The following MCTP1 variants were observed in gnomAD, a reference collection of about 807,000 sequenced individuals.
The protein encoded by MCTP1 is multiple C2 and transmembrane domain-containing protein 1.
A neutral mutation model predicts 120.6 loss-of-function variants in MCTP1; 69 were observed. The observed-to-expected ratio is 0.57, with a 90% CI of 0.47 to 0.70. MCTP1 has a LOEUF of 0.70. Ranked by LOEUF, MCTP1 falls within the 30% of genes least tolerant of loss-of-function variation. MCTP1 has a pLI of 0.00. For synonymous variants in MCTP1, 529 were observed against 493.1 expected (o/e 1.07, Z -0.96); for missense variants, 1,203 against 1,248.8 (o/e 0.96, Z 0.55).
intron 1 of MCTP1, among the ~76,000 whole-genome samples, chr5:95,061,731 G>A (rs952551877): frequency 3.9e-5 from 6 of 152,046 alleles, no homozygotes; most frequent in African/African-American, 7.2e-5. Context: ...CACCGCGCCC[G>A]GCCAAGGGTT....
intron 2 of MCTP1, among the ~76,000 whole-genome samples, chr5:94,995,036 G>T (rs1832342317): frequency 6.6e-6 from 1 of 152,176 alleles, no homozygotes; most frequent in African/African-American, 2.4e-5. Flanking sequence ...TGGCTTCCTT[G>T]CTCCTCAGCT....
intron 1 of MCTP1, among the ~76,000 whole-genome samples, chr5:95,242,980 T>C (rs1756337527): frequency 6.6e-6 from 1 of 152,174 alleles, no homozygotes; most frequent in African/African-American, 2.4e-5. Flanking sequence ...CTGTGAAAAT[T>C]AGAACTTCCA....
At chr5:94,987,005 C>A (rs1043858702) in intron 2 of MCTP1, among the ~76,000 whole-genome samples, 2 of 152,150 alleles carry the variant, frequency 1.3e-5, no homozygotes, top group African/African-American at 4.8e-5. Flanking sequence ...AGATTACTTA[C>A]AATGCCAAAT....
chr5:94,943,721 G>A (rs1818264498), intron 3 of MCTP1, among the ~76,000 whole-genome samples: 1 of 151,914 alleles, frequency 6.6e-6, no homozygotes, highest in Non-Finnish European at 1.5e-5. Flanking sequence ...TTAAGGAAAA[G>A]AAGAGAGAAC....
chr5:94,749,682 AAAAAT>A lies in MCTP1; in HGVS notation c.2610+29423_2610+29427del, dbSNP rs1409079964. The stretch of plus-strand genomic sequence containing the variant: ...AAAAAAAAAAAAAAAAAAAAAAAAA[AAAAAT>A]ATCAAGGCAGTGGAAAATGAGCTAC... On this transcript the variant is annotated intron_variant, in intron 19 of 22. Coordinates refer to ENST00000515393, the MANE Select transcript of MCTP1 (RefSeq NM_024717.7). Among the ~76,000 whole-genome samples the A allele has an allele frequency of 5.6e-4, 77 of 138,490 alleles. 2 individuals carry two copies. Among genetic ancestry groups the A allele is most frequent in the African/African-American group, 2.0e-3 (72 of 35,600 alleles). The allele number at this position is 138,490 out of a possible 152,430, so 90.9% of individuals were successfully genotyped here.
chr5:94,818,600 T>G (rs181251962), intron 17 of MCTP1, among the ~76,000 whole-genome samples: 4 of 152,320 alleles, frequency 2.6e-5, no homozygotes, highest in Admixed American at 2.6e-4. Context: ...ACAATTACTC[T>G]CCTTCTGATA....
intron 1 of MCTP1, among the ~76,000 whole-genome samples, chr5:95,256,217 T>C (rs2152707567): frequency 6.6e-6 from 1 of 152,186 alleles, no homozygotes; most frequent in East Asian, 1.9e-4. Context: ...AAAAAAAGAA[T>C]AAGGAAGGAA....
At chr5:94,943,768 G>A (rs1488973771) in intron 3 of MCTP1, among the ~76,000 whole-genome samples, 2 of 151,562 alleles carry the variant, frequency 1.3e-5, no homozygotes, top group Non-Finnish European at 2.9e-5. Context: ...GAAGATCAGG[G>A]AAACCGTTTA....
chr5:95,021,803 G>A (rs1365529530), intron 1 of MCTP1, among the ~76,000 whole-genome samples: 2 of 152,012 alleles, frequency 1.3e-5, no homozygotes, highest in East Asian at 1.9e-4. Flanking sequence ...TCTAAAGACT[G>A]TGAAAAATGG....
In MCTP1 at chr5:94,993,916, T is replaced by C. The variant is rs532617163; in HGVS notation, c.838+23451A>G. ...TTCAGACACATGCTCAATAACTAAA[T>C]TGACTAAACGGTTTTTTCCCCACAA... On this transcript the variant is annotated intron_variant, in intron 2 of 22. Transcript: ENST00000515393. 5.9e-5 allele frequency among the ~76,000 whole-genome samples: 9 copies of C among 152,338 alleles called. No individual in the cohort carries two copies. In the South Asian group the frequency reaches 1.7e-3, roughly 28 times the overall value.
intron 1 of MCTP1, among the ~76,000 whole-genome samples, chr5:95,018,917 A>T (rs1366934929): frequency 1.3e-5 from 2 of 152,080 alleles, no homozygotes; most frequent in African/African-American, 4.8e-5. Flanking sequence ...GTGGCCACCA[A>T]TGACAACAAT....
chr5:94,986,712 T>C (rs1830483753), intron 2 of MCTP1, among the ~76,000 whole-genome samples: 1 of 152,164 alleles, frequency 6.6e-6, no homozygotes, highest in Non-Finnish European at 1.5e-5. Context: ...GATTTCCTCA[T>C]GTTGGCCAGG....
At chr5:94,927,983 A>C (rs967886151) in intron 6 of MCTP1, among the ~76,000 whole-genome samples, 2 of 152,182 alleles carry the variant, frequency 1.3e-5, no homozygotes, top group South Asian at 4.1e-4. Context: ...AGAAGATATG[A>C]TAATCAGACA....
At chr5:94,892,247 T>TC (rs1581216612) in intron 11 of MCTP1, among the ~76,000 whole-genome samples, 1 of 152,178 alleles carries the variant, frequency 6.6e-6, no homozygotes, top group Non-Finnish European at 1.5e-5. Flanking sequence ...TCACCTTTTA[T>TC]CAATGCTCTA....
chr5:95,116,840 C>A (rs1355810318), intron 1 of MCTP1, among the ~76,000 whole-genome samples: 1 of 152,118 alleles, frequency 6.6e-6, no homozygotes, highest in African/African-American at 2.4e-5. Context: ...GTCTGCTTGC[C>A]TGTTGCGGGT....
intron 17 of MCTP1, among the ~76,000 whole-genome samples, chr5:94,843,810 G>T (rs1400111870): frequency 6.6e-6 from 1 of 152,180 alleles, no homozygotes; most frequent in African/African-American, 2.4e-5. Flanking sequence ...CATGGGGTCT[G>T]GGAATTTGCA....
intron 1 of MCTP1, among the ~76,000 whole-genome samples, chr5:95,135,044 A>T (rs1759345041): frequency 6.9e-6 from 1 of 145,212 alleles, no homozygotes; most frequent in African/African-American, 2.5e-5. Context: ...TTCTTTTTCC[A>T]GATCAGAAAA....
intron 16 of MCTP1, among the ~76,000 whole-genome samples, chr5:94,869,075 C>T (rs779767273): frequency 6.6e-5 from 10 of 151,410 alleles, no homozygotes; most frequent in Middle Eastern, 3.5e-3. Context: ...ATATGGTAAC[C>T]GAGTGCTTTA....
intron 19 of MCTP1, among the ~76,000 whole-genome samples, chr5:94,736,977 T>C (rs1580388568): frequency 6.6e-6 from 1 of 152,128 alleles, no homozygotes; most frequent in South Asian, 2.1e-4. Flanking sequence ...ATGATGCTTA[T>C]AGTCAAGTGA....
Sources: allele counts gnomAD v4.1 joint callset (sites outside exome capture counted in the v4.1 genomes callset), GRCh38; gene constraint gnomAD v4.1.1; transcripts MANE v1.5; gene names NCBI Gene and HGNC (gene_info 2026-07-23, HGNC 2026-07-21).